TMPRSS15: variants seen among roughly 807,000 people sequenced by gnomAD.
TMPRSS15 encodes transmembrane serine protease 15, also known as enteropeptidase.
A neutral mutation model predicts 125.3 loss-of-function variants in TMPRSS15; 128 were observed. That is an observed-to-expected ratio of 1.02 (90% CI 0.89 to 1.18). The LOEUF is 1.18. TMPRSS15 is among the 50% of genes most tolerant of loss of function. TMPRSS15 has a pLI of 0.00. For synonymous variants in TMPRSS15, 446 were observed against 423.2 expected, an observed-to-expected ratio of 1.05 and a Z score of -0.66; for missense variants, 1,283 against 1,212.7, an observed-to-expected ratio of 1.06 and a Z score of -0.86.
At chr21:18,326,854 C>G (rs2075297141) in intron 15 of TMPRSS15, among the ~76,000 whole-genome samples, 1 of 152,196 alleles carries the variant, frequency 6.6e-6, no homozygotes, top group Non-Finnish European at 1.5e-5. Flanking sequence ...CACTGCTATT[C>G]AAAGCTCATG....
chr21:18,457,784 A>T (rs1978470877), intron 1 of TMPRSS15, among the ~76,000 whole-genome samples: 1 of 152,184 alleles, frequency 6.6e-6, no homozygotes, highest in African/African-American at 2.4e-5. Context: ...GACGATTTCT[A>T]AAAACCACTA....
At chr21:18,399,920 T>C (rs2076079697) in intron 1 of TMPRSS15, among the ~76,000 whole-genome samples, 1 of 152,104 alleles carries the variant, frequency 6.6e-6, no homozygotes, top group African/African-American at 2.4e-5. Context: ...TCAGTTGCAT[T>C]TCTATACGCT....
At position 18,440,386 on chromosome 21, in the gene TMPRSS15, A is replaced by AGAAAG. The variant is rs1555912655; in HGVS notation, c.11-42058_11-42057insCTTTC. Among the ~76,000 whole-genome samples the AGAAAG allele has an allele frequency of 6.8e-4, 91 of 133,602 alleles. 2 individuals are homozygous for AGAAAG. In the East Asian group the frequency reaches 0.016, roughly 24 times the overall value. 87.6% of individuals were successfully genotyped at this position (133,602 alleles called of 152,430 possible). A position where few individuals can be genotyped will look rare whatever the true frequency, so the allele number is the denominator to read the frequency against. ...AAACTCCGTCTCAAAAAAAAAAAAA[A>AGAAAG]AAAGAAAACTGTAGTGATGTGTATT... On this transcript the variant is annotated intron_variant, in intron 1 of 7. Transcript: ENST00000422787.
chr21:18,428,256 G>T (rs997035057), intron 1 of TMPRSS15, among the ~76,000 whole-genome samples: 1 of 152,062 alleles, frequency 6.6e-6, no homozygotes, highest in Non-Finnish European at 1.5e-5. Context: ...GGTGACTTGG[G>T]TGCGTTAAAG....
rs1267521488 is a variant in TMPRSS15 at position 18,280,593 on chromosome 21, A to AAAAAAAAAAAAAAC, written c.2668+446_2668+447insGTTTTTTTTTTTTT. Among the ~76,000 whole-genome samples the AAAAAAAAAAAAAAC allele has an allele frequency of 1.2e-3, 179 of 143,610 alleles. 7 individuals carry two copies. Among genetic ancestry groups the AAAAAAAAAAAAAAC allele is most frequent in the African/African-American group, 4.8e-3 (169 of 35,526 alleles). 94.2% of individuals were successfully genotyped at this position (143,610 alleles called of 152,430 possible). ...TCCGTCTCAAAAAAAAAAAAAAAAA[A>AAAAAAAAAAAAAAC]AACAACAAAACAACAAAAAACCAAA... On this transcript the variant is annotated intron_variant, in intron 22 of 24. Transcript: ENST00000284885.
intron 18 of TMPRSS15, among the ~76,000 whole-genome samples, chr21:18,305,183 C>CTTT (rs59103494): frequency 0.35 from 30,053 of 85,808 alleles, 7,666 homozygotes; most frequent in East Asian, 0.47. Flanking sequence ...AATTTCCGTA[C>CTTT]TTTTTTTTTT....
intron 1 of TMPRSS15, among the ~76,000 whole-genome samples, chr21:18,429,483 C>T (rs1048627173): frequency 4.3e-4 from 66 of 152,248 alleles, no homozygotes; most frequent in African/African-American, 1.4e-3. Flanking sequence ...GGGAGGGAAC[C>T]AGTGGGAGAT....
At chr21:18,477,281 T>C (rs1978899034) in intron 1 of TMPRSS15, 1 of 152,166 alleles carries the variant, frequency 6.6e-6, no homozygotes, top group Non-Finnish European at 1.5e-5. Context: ...ACACCAATTG[T>C]GACTCACTTC....
At chr21:18,456,374 G>A (rs934108926) in intron 1 of TMPRSS15, among the ~76,000 whole-genome samples, 1 of 152,024 alleles carries the variant, frequency 6.6e-6, no homozygotes, top group African/African-American at 2.4e-5. Context: ...ACTCGCATAG[G>A]TTCTTAAGTT....
At chr21:18,316,632 C>T (rs528292761) in intron 16 of TMPRSS15, among the ~76,000 whole-genome samples, 1 of 152,252 alleles carries the variant, frequency 6.6e-6, no homozygotes, top group African/African-American at 2.4e-5. Flanking sequence ...AAATGAAAAA[C>T]CTGGGCAAAG....
intron 4 of TMPRSS15, among the ~76,000 whole-genome samples, chr21:18,382,905 T>C (rs915933024): frequency 7.9e-5 from 12 of 152,308 alleles, no homozygotes; most frequent in Admixed American, 7.8e-4. Context: ...TTTATTATTT[T>C]TGATGTTCCA....
intron 19 of TMPRSS15, among the ~76,000 whole-genome samples, chr21:18,295,895 G>GT (rs1412763561): frequency 2.0e-5 from 3 of 152,326 alleles, no homozygotes; most frequent in Middle Eastern, 3.4e-3. Flanking sequence ...GCTCACGCCT[G>GT]TAACTCCAGC....
intron 1 of TMPRSS15, among the ~76,000 whole-genome samples, chr21:18,472,567 AAAT>A (rs1356515560): frequency 6.6e-6 from 1 of 151,766 alleles, no homozygotes; most frequent in Non-Finnish European, 1.5e-5. Flanking sequence ...AACTAGCTTA[AAAT>A]AATTTTACAA....
At chr21:18,333,625 C>CA (rs1232929750) in intron 13 of TMPRSS15, among the ~76,000 whole-genome samples, 14 of 151,876 alleles carry the variant, frequency 9.2e-5, no homozygotes, top group Admixed American at 9.2e-4. Context: ...GAAAGGGAGA[C>CA]AAAATGAAAC....
intron 24 of TMPRSS15, among the ~76,000 whole-genome samples, chr21:18,270,434 A>G (rs2074541613): frequency 6.6e-6 from 1 of 152,184 alleles, no homozygotes; most frequent in Non-Finnish European, 1.5e-5. Flanking sequence ...AACTATGAAA[A>G]GCATCCCAAA....
At chr21:18,327,660 C>T (rs539940824) in intron 15 of TMPRSS15, among the ~76,000 whole-genome samples, 11 of 152,120 alleles carry the variant, frequency 7.2e-5, no homozygotes, top group Non-Finnish European at 1.5e-4. Context: ...ATCCTGACTG[C>T]ATATCTATTA....
chr21:18,445,073 A>G (rs2076252055), intron 1 of TMPRSS15, among the ~76,000 whole-genome samples: 1 of 152,138 alleles, frequency 6.6e-6, no homozygotes, highest in African/African-American at 2.4e-5. Context: ...ACTTCACTTA[A>G]CATAATGTCT....
intron 1 of TMPRSS15, among the ~76,000 whole-genome samples, chr21:18,461,032 A>C (rs1342846630): frequency 6.6e-6 from 1 of 152,132 alleles, no homozygotes; most frequent in East Asian, 1.9e-4. Context: ...TGAACATAGA[A>C]ATTTACCTTC....
intron 14 of TMPRSS15, among the ~76,000 whole-genome samples, chr21:18,329,837 C>T (rs1050728922): frequency 1.3e-5 from 2 of 151,394 alleles, no homozygotes; most frequent in African/African-American, 4.8e-5. Context: ...AATAATTCAA[C>T]CTTCAGATTT....
Sources: gnomAD v4.1 joint callset for allele counts (sites outside exome capture counted in the v4.1 genomes callset) on GRCh38, gnomAD v4.1.1 for gene constraint, MANE v1.5 for transcripts, NCBI Gene and HGNC (gene_info 2026-07-23, HGNC 2026-07-21) for gene names.